FUCA1: variants seen among roughly 807,000 people sequenced by gnomAD.
FUCA1 encodes alpha-L-fucosidase 1.
Under a neutral mutation model 56.8 loss-of-function variants are expected in FUCA1, and 52 were observed. That is an observed-to-expected ratio of 0.92 (90% confidence interval 0.73 to 1.15). The LOEUF (loss-of-function observed/expected upper bound fraction) is 1.15, where lower values mean the gene tolerates loss of function less well. Among genes scored for constraint, FUCA1 ranks in the 50% most tolerant of loss-of-function variants. The pLI, the probability that FUCA1 is intolerant of heterozygous loss-of-function variation, is 0.00. For synonymous variants in FUCA1, 230 were observed against 226.6 expected (o/e 1.02, Z -0.14); for missense variants, 568 against 592.6 (o/e 0.96, Z 0.43).
intron 1 of FUCA1, among the ~76,000 whole-genome samples, chr1:23,866,172 C>T (rs990172008): frequency 6.6e-6 from 1 of 152,116 alleles, no homozygotes; most frequent in Non-Finnish European, 1.5e-5. Flanking sequence ...ATTAGCCGGG[C>T]ATGGTGGTGT....
Position 23,846,132 on chromosome 1 carries a change from T to A in FUCA1, c.1202A>T (p.His401Leu). ...GTTTAAGACTCCATTTTCTGGCCAG[T>A]GCAGAAAAATGGCATAAACAGCCGA... ...KGSAVYAIFL[H>L]WPENGVLNLE... The change falls in exon 7 of 8, where the codon CAC becomes CTC. Residue 401 changes from histidine to leucine, a missense_variant. His to Leu is a moderately conservative substitution (Grantham distance 99). Transcript: ENST00000374479. 6.2e-7 allele frequency: 1 copy of A among 1,614,066 alleles called. No homozygotes were observed. Among genetic ancestry groups the A allele is most frequent in the Non-Finnish European group, 8.5e-7 (1 of 1,179,964 alleles).
chr1:23,848,384 G>A (rs1570672801), intron 6 of FUCA1, among the ~76,000 whole-genome samples: 1 of 152,084 alleles, frequency 6.6e-6, no homozygotes, highest in Admixed American at 6.6e-5. Flanking sequence ...TATTTTTAGG[G>A]GGCAGGGTAA....
intron 5 of FUCA1, among the ~76,000 whole-genome samples, chr1:23,853,256 G>T (rs1206933169): frequency 4.6e-5 from 7 of 150,996 alleles, no homozygotes; most frequent in African/African-American, 1.7e-4. Context: ...CCCCATATGA[G>T]AAGTGAGGAG....
intron 5 of FUCA1, among the ~76,000 whole-genome samples, chr1:23,851,227 G>A (rs915969660): frequency 3.3e-5 from 5 of 152,270 alleles, no homozygotes; most frequent in African/African-American, 4.8e-5. Flanking sequence ...AGCTGGGCAT[G>A]GTGGCACGTG....
intron 3 of FUCA1, 112 bp from the exon 4 acceptor site, chr1:23,860,015 A>C (rs1301202205): frequency 1.4e-6 from 1 of 714,650 alleles, no homozygotes; most frequent in Non-Finnish European, 2.5e-6. Context: ...CCTAAGCTTG[A>C]GTCCAGCAGC....
At chr1:23,864,705 T>C (rs1639585969) in intron 2 of FUCA1, among the ~76,000 whole-genome samples, 1 of 149,414 alleles carries the variant, frequency 6.7e-6, no homozygotes, top group African/African-American at 2.5e-5. Context: ...TTGTCTTTTT[T>C]CTTTTTTTTT....
At chr1:23,852,195 T>C (rs1639276468) in intron 5 of FUCA1, among the ~76,000 whole-genome samples, 1 of 151,758 alleles carries the variant, frequency 6.6e-6, no homozygotes, top group Non-Finnish European at 1.5e-5. Context: ...AGGCTGAGGC[T>C]AGATCTCTTG....
At chr1:23,864,045 T>G (rs1214955402) in intron 2 of FUCA1, among the ~76,000 whole-genome samples, 1 of 152,084 alleles carries the variant, frequency 6.6e-6, no homozygotes, top group Non-Finnish European at 1.5e-5. Context: ...GTTTATCGTT[T>G]TATTTATCTA....
chr1:23,865,572 G>A lies in FUCA1; in HGVS notation c.443C>T (p.Pro148Leu). The change falls in exon 2 of 8, where the codon CCT becomes CTT. Residue 148 changes from proline to leucine, a missense_variant. By Grantham distance (98) the Pro-to-Leu change is moderately conservative (BLOSUM62 -3). Transcript: ENST00000374479. ...HHEGFTNWPS[P>L]VSWNWNSKDV... is the part of the protein sequence containing the mutation. ...TTTGGAGTTCCAGTTCCAAGACACA[G>A]GACTCGGCCAGTTTGTGAAGCCTTC... is the stretch of plus-strand genomic sequence containing the variant. 1 of 1,614,202 alleles carries A rather than the reference G, an allele frequency of 6.2e-7. No individual in the cohort carries two copies.
rs77861613 is a variant in FUCA1, at chr1:23,867,440, A to G, written c.389+458T>C. On this transcript the variant is annotated intron_variant, in intron 1 of 7. Coordinates refer to ENST00000374479, the MANE Select transcript of FUCA1 (RefSeq NM_000147.5). This position sits in a 1 kb window ranked among gnomAD's most constrained non-coding sequence, Gnocchi z 4.9. ...CAGAACTCCCCTCTCTTTCCCTCTT[A>G]GAGACATTAGGGCTCAAAGGGTTGT... Among the ~76,000 whole-genome samples the G allele has an allele frequency of 0.011, 1,666 of 152,306 alleles. 39 individuals are homozygous for G. The highest frequency in any genetic ancestry group is 0.039 in the African/African-American group (1,600 of 41,554).
rs564674941 is a variant in FUCA1, at chr1:23,853,371, G to A, written c.969+989C>T. On this transcript the variant is annotated intron_variant, in intron 5 of 7. Transcript: ENST00000374479. The stretch of plus-strand genomic sequence containing the variant: ...GGGGTCAGCCCCCGCCCGGCCAGCC[G>A]CCCCGTCCGGGAGGGAGGTGGGGGG... Among the ~76,000 whole-genome samples, 19 of 148,132 alleles carry A rather than the reference G, an allele frequency of 1.3e-4. No individual in the cohort carries two copies. In the East Asian group the frequency reaches 2.1e-3, roughly 17 times the overall value.
chr1:23,860,921 G>A (rs1179252903), intron 3 of FUCA1, among the ~76,000 whole-genome samples: 1 of 151,898 alleles, frequency 6.6e-6, no homozygotes, highest in Non-Finnish European at 1.5e-5. Flanking sequence ...TTTCAGGCAT[G>A]AGCCACTGTG....
chr1:23,846,599 CCTTGTTGTCCAGGCT>C (rs72102772), intron 6 of FUCA1, among the ~76,000 whole-genome samples: 55,046 of 150,338 alleles, frequency 0.37, 10,571 homozygotes, highest in East Asian at 0.48. Context: ...TGAGACGAAG[CCTTGTTGTCCAGGCT>C]CTTGTTGTCC....
chr1:23,860,710 C>T (rs540784580), intron 3 of FUCA1, among the ~76,000 whole-genome samples: 41 of 150,272 alleles, frequency 2.7e-4, no homozygotes, highest in Middle Eastern at 6.9e-3. Flanking sequence ...GTGATCTCGG[C>T]TCACTGCAAC....
At chr1:23,866,461 A>C (rs1442042597) in intron 1 of FUCA1, among the ~76,000 whole-genome samples, 1 of 152,222 alleles carries the variant, frequency 6.6e-6, no homozygotes, top group East Asian at 1.9e-4. Flanking sequence ...CAACCAAATC[A>C]CTCAATATTT....
intron 4 of FUCA1, among the ~76,000 whole-genome samples, chr1:23,859,430 G>A (rs1390623159): frequency 6.6e-6 from 1 of 152,066 alleles, no homozygotes; most frequent in Non-Finnish European, 1.5e-5. Flanking sequence ...AGCCGGCCAG[G>A]TGGCGGGCCC....
intron 4 of FUCA1, among the ~76,000 whole-genome samples, chr1:23,858,862 G>A (rs1639448338): frequency 6.6e-6 from 1 of 151,974 alleles, no homozygotes; most frequent in East Asian, 1.9e-4. Flanking sequence ...ATCCTCCCAC[G>A]TCAGCCTCCC....
intron 4 of FUCA1, among the ~76,000 whole-genome samples, chr1:23,857,179 C>G (rs1335016405): frequency 6.6e-6 from 1 of 152,110 alleles, no homozygotes; most frequent in African/African-American, 2.4e-5. Context: ...AGCAAGCGAC[C>G]TAGCTCGAGG....
chr1:23,845,266 A>G lies in FUCA1; in HGVS notation c.*449T>C, dbSNP rs1040526858. On this transcript the variant is annotated 3_prime_UTR_variant, in exon 8 of 8. Coordinates refer to ENST00000374479, the MANE Select transcript of FUCA1 (RefSeq NM_000147.5). ...CTGGTAAGCCTTTTCCTTTCCCCCA[A>G]AGCTCTCCTGCCCTTTGCAGAAAGA... is the stretch of plus-strand genomic sequence containing the variant. 8.5e-6 allele frequency: 2 copies of G among 235,878 alleles called. No homozygotes were observed. Among genetic ancestry groups the G allele is most frequent in the African/African-American group, 4.6e-5 (2 of 43,818 alleles). 14.6% of individuals were successfully genotyped at this position (235,878 alleles called of 1,614,324 possible).
Sources: gnomAD v4.1 joint callset for allele counts (sites outside exome capture counted in the v4.1 genomes callset) on GRCh38, gnomAD v4.1.1 for gene constraint, Gnocchi (gnomAD v3.1) non-coding constraint, MANE v1.5 for transcripts, NCBI Gene and HGNC (gene_info 2026-07-23, HGNC 2026-07-21) for gene names.